SLC30A3: variants seen among roughly 807,000 people sequenced by gnomAD.
The protein encoded by SLC30A3 is probable proton-coupled zinc antiporter SLC30A3.
A neutral mutation model predicts 35.6 loss-of-function variants in SLC30A3; 20 were observed. That is an observed-to-expected ratio of 0.56 (90% CI 0.39 to 0.82). SLC30A3 has a LOEUF of 0.82. Ranked by LOEUF, SLC30A3 falls within the 40% of genes least tolerant of loss-of-function variation. SLC30A3 has a pLI of 0.00. For synonymous variants in SLC30A3, 217 were observed against 224.7 expected, an observed-to-expected ratio of 0.97 and a Z score of 0.31; for missense variants, 401 against 530.6, an observed-to-expected ratio of 0.76 and a Z score of 2.40.
rs1676992267 is a variant in SLC30A3 at position 27,258,351 on chromosome 2, T to C, written c.278-44A>G. 2 of 1,499,352 alleles carry C rather than the reference T, an allele frequency of 1.3e-6. No individual in the cohort carries two copies. The highest frequency in any genetic ancestry group is 1.4e-5 in the African/African-American group (1 of 71,366). The allele number at this position is 1,499,352 out of a possible 1,614,324, so 92.9% of individuals were successfully genotyped here. On this transcript the variant is annotated intron_variant, in intron 2 of 7. Transcript: ENST00000233535. The surrounding 1 kb of genome is among the most constrained non-coding windows in gnomAD (Gnocchi z 4.0). ...GGAGTCTGCTTCCATTTAGAAAATATCATGTAGTGTGTATAGGCATGGAAA... is the reference window on the plus strand; with the variant it reads ...GGAGTCTGCTTCCATTTAGAAAATACCATGTAGTGTGTATAGGCATGGAAA...
In SLC30A3 at chr2:27,255,321, G is replaced by A. The variant is rs568824006; in HGVS notation, c.1158C>T (p.Pro386=). The change falls in exon 8 of 8, where the codon CCC becomes CCT. Residue 386 remains proline (P), a synonymous_variant. Transcript: ENST00000233535. This position sits in a 1 kb window ranked among gnomAD's most constrained non-coding sequence, Gnocchi z 5.2. ...MAQCLRCQEP[P]QA is the part of the protein sequence containing the mutation. ...AGGGCAGGGCCATGGCTCAGGCTTG[G>A]GGGGGTTCCTGGCAGCGCAGGCACT... 4 of 1,614,084 alleles carry A rather than the reference G, an allele frequency of 2.5e-6. No homozygotes were observed. In the Admixed American group the frequency reaches 5.0e-5, roughly 20 times the overall value.
Position 27,258,601 on chromosome 2 carries a change from C to T in SLC30A3, c.277+152G>A, listed in dbSNP as rs920158195. 1.2e-4 allele frequency: 102 copies of T among 848,128 alleles called. No individual in the cohort carries two copies. Among genetic ancestry groups the T allele is most frequent in the Non-Finnish European group, 1.7e-4 (92 of 541,400 alleles). 52.5% of individuals were successfully genotyped at this position (848,128 alleles called of 1,614,324 possible). On this transcript the variant is annotated intron_variant, in intron 2 of 7. Coordinates refer to ENST00000233535, the MANE Select transcript of SLC30A3 (RefSeq NM_003459.5). This position sits in a 1 kb window ranked among gnomAD's most constrained non-coding sequence, Gnocchi z 4.0. ...TTCCCTTTGTTGCTGTCCCTTATCC[C>T]TCCTACTTCCTGAGTCCTGGGCACC...
intron 1 of SLC30A3, among the ~76,000 whole-genome samples, chr2:27,274,859 T>C (rs1264647687): frequency 6.6e-6 from 1 of 152,214 alleles, no homozygotes; most frequent in Non-Finnish European, 1.5e-5. Context: ...TTATGGGACA[T>C]GCTCATGATG....
At chr2:27,263,162 C>T, upstream of SLC30A3, 1 of 1,268,184 alleles carries the variant, frequency 7.9e-7, no homozygotes, top group Non-Finnish European at 1.0e-6. Flanking sequence ...CCCTTAAGCC[C>T]CGCCCCCACT....
At chr2:27,273,629 T>C (rs1677833523) in intron 1 of SLC30A3, among the ~76,000 whole-genome samples, 1 of 151,984 alleles carries the variant, frequency 6.6e-6, no homozygotes, top group South Asian at 2.1e-4. Context: ...CCAGAGACTA[T>C]GGACCAGGTG....
In SLC30A3 at chr2:27,262,770, G is replaced by A. The variant is rs752580244; in HGVS notation, c.95+42C>T. On this transcript the variant is annotated intron_variant, in intron 1 of 7. Transcript: ENST00000233535. The surrounding 1 kb of genome is among the most constrained non-coding windows in gnomAD (Gnocchi z 7.5). ...CAACGAAATGGACGGAGGGTAGTAG[G>A]GTGGCGCCCCCGGGCCGAGGGCCAG... The A allele has an allele frequency of 6.8e-7, 1 of 1,478,468 alleles. No individual in the cohort carries two copies. The highest frequency in any genetic ancestry group is 2.9e-5 in the East Asian group (1 of 34,296). The allele number at this position is 1,478,468 out of a possible 1,614,324, so 91.6% of individuals were successfully genotyped here.
In SLC30A3 at chr2:27,254,742, C is replaced by G. The variant is rs1334012707; in HGVS notation, c.*570G>C. 1 of 211,618 alleles carries G rather than the reference C, an allele frequency of 4.7e-6. No homozygotes were observed. Among genetic ancestry groups the G allele is most frequent in the East Asian group, 1.5e-4 (1 of 6,776 alleles). The allele number at this position is 211,618 out of a possible 1,614,324, so 13.1% of individuals were successfully genotyped here. ...ACAGCCACATAGGCACAGAGACACA[C>G]AGGCCACAGCACCAAGAACACACAC... On this transcript the variant is annotated 3_prime_UTR_variant, in exon 8 of 8. Coordinates refer to ENST00000233535, the MANE Select transcript of SLC30A3 (RefSeq NM_003459.5).
rs1053777869 is a variant in SLC30A3, at chr2:27,255,300, C to A, written c.*12G>T. 2 of 1,613,566 alleles carry A rather than the reference C, an allele frequency of 1.2e-6. No homozygotes were observed. Among genetic ancestry groups the A allele is most frequent in the South Asian group, 1.1e-5 (1 of 91,020 alleles). On this transcript the variant is annotated 3_prime_UTR_variant, in exon 8 of 8. Transcript: ENST00000233535. This position sits in a 1 kb window ranked among gnomAD's most constrained non-coding sequence, Gnocchi z 5.2. ...CCTCGGCCTGGCAGTGGGGTGAGGG[C>A]AGGGCCATGGCTCAGGCTTGGGGGG... is the stretch of plus-strand genomic sequence containing the variant.
chr2:27,267,796 G>A (rs566259386), upstream of SLC30A3, among the ~76,000 whole-genome samples: 18 of 152,006 alleles, frequency 1.2e-4, no homozygotes, highest in East Asian at 2.3e-3. Context: ...TAAGCCAGGC[G>A]TGGTGACATG....
At chr2:27,267,814 A>G (rs1339282652), upstream of SLC30A3, among the ~76,000 whole-genome samples, 1 of 152,024 alleles carries the variant, frequency 6.6e-6, no homozygotes, top group Admixed American at 6.6e-5. Flanking sequence ...ATGTGCCTGT[A>G]ATCCCAGCTA....
intron 1 of SLC30A3, among the ~76,000 whole-genome samples, chr2:27,274,579 GTA>G (rs1478491193): frequency 2.6e-5 from 4 of 151,962 alleles, no homozygotes; most frequent in Admixed American, 2.6e-4. Context: ...GGGAAGCCAG[GTA>G]GAGGCATGCT....
Position 27,255,050 on chromosome 2 carries a change from C to T in SLC30A3, c.*262G>A, listed in dbSNP as rs1204276857. The T allele has an allele frequency of 2.0e-5, 29 of 1,416,740 alleles. No individual in the cohort carries two copies. Among genetic ancestry groups the T allele is most frequent in the Non-Finnish European group, 2.5e-5 (27 of 1,076,068 alleles). The allele number at this position is 1,416,740 out of a possible 1,614,324, so 87.8% of individuals were successfully genotyped here. On this transcript the variant is annotated 3_prime_UTR_variant, in exon 8 of 8. Transcript: ENST00000233535. The surrounding 1 kb of genome is among the most constrained non-coding windows in gnomAD (Gnocchi z 5.2). Reference sequence around the variant, plus strand: ...TGGCACCACAGGCCTTCAACACACCCTGCCACACTGAGGCCTGGGAGTCCC... The same window carrying T: ...TGGCACCACAGGCCTTCAACACACCTTGCCACACTGAGGCCTGGGAGTCCC...
chr2:27,257,863 G>T lies in SLC30A3; in HGVS notation c.578+42C>A. 1.9e-6 allele frequency: 3 copies of T among 1,578,988 alleles called. No individual in the cohort carries two copies. The highest frequency in any genetic ancestry group is 2.6e-6 in the Non-Finnish European group (3 of 1,158,866). On this transcript the variant is annotated intron_variant, in intron 4 of 7. Transcript: ENST00000233535. The surrounding 1 kb of genome is among the most constrained non-coding windows in gnomAD (Gnocchi z 4.7). Reference sequence around the variant, plus strand: ...CTCCCATCCTGGAGGAAGACCCCTCGCCCTGGGCCCCACAAGGTGCCTGCT... The same window carrying T: ...CTCCCATCCTGGAGGAAGACCCCTCTCCCTGGGCCCCACAAGGTGCCTGCT...
At chr2:27,274,674 AAAAAAAGAAAAG>A (rs1398569786) in intron 1 of SLC30A3, among the ~76,000 whole-genome samples, 1 of 150,634 alleles carries the variant, frequency 6.6e-6, no homozygotes, top group South Asian at 2.1e-4. Flanking sequence ...AGAGCGTAAA[AAAAAAAGAAAAG>A]AAAAAAGAAA....
chr2:27,264,119 C>T (rs1558564968), upstream of SLC30A3: 1 of 1,219,884 alleles, frequency 8.2e-7, no homozygotes, highest in Middle Eastern at 2.2e-4. This position sits in a 1 kb window ranked among gnomAD's most constrained non-coding sequence, Gnocchi z 6.1. Flanking sequence ...GGATTGTGCA[C>T]TCGAAGCTGT....
intron 7 of SLC30A3, 110 bp downstream of exon 7, chr2:27,256,276 C>T (rs1676845653): frequency 1.6e-6 from 2 of 1,278,512 alleles, no homozygotes; most frequent in Non-Finnish European, 2.2e-6. Context: ...CACAGAGAAA[C>T]AGAGACAGAT....
At position 27,262,785 on chromosome 2, in the gene SLC30A3, C is replaced by T; in HGVS notation, c.95+27G>A. The stretch of plus-strand genomic sequence containing the variant: ...AGGGTAGTAGGGTGGCGCCCCCGGG[C>T]CGAGGGCCAGCCCAGGTCTGTCCTA... On this transcript the variant is annotated intron_variant, in intron 1 of 7. Coordinates refer to ENST00000233535, the MANE Select transcript of SLC30A3 (RefSeq NM_003459.5). This position sits in a 1 kb window ranked among gnomAD's most constrained non-coding sequence, Gnocchi z 7.5. 6.6e-7 allele frequency: 1 copy of T among 1,517,854 alleles called. No homozygotes were observed. Among genetic ancestry groups the T allele is most frequent in the Non-Finnish European group, 8.8e-7 (1 of 1,139,942 alleles). The allele number at this position is 1,517,854 out of a possible 1,614,324, so 94.0% of individuals were successfully genotyped here.
At chr2:27,270,971 G>T (rs1273788780) in intron 1 of SLC30A3, among the ~76,000 whole-genome samples, 1 of 152,114 alleles carries the variant, frequency 6.6e-6, no homozygotes, top group African/African-American at 2.4e-5. Context: ...TTTAAAGTAG[G>T]AAGGAACAGT....
Position 27,257,843 on chromosome 2 carries a change from A to C in SLC30A3, c.578+62T>G. ...TGGGGAGGAGAGAGCCAGCTCTCCC[A>C]TCCTGGAGGAAGACCCCTCGCCCTG... On this transcript the variant is annotated intron_variant, in intron 4 of 7. Transcript: ENST00000233535. The surrounding 1 kb of genome is among the most constrained non-coding windows in gnomAD (Gnocchi z 4.7). 6.6e-7 allele frequency: 1 copy of C among 1,515,816 alleles called. No homozygotes were observed. Among genetic ancestry groups the C allele is most frequent in the Non-Finnish European group, 9.0e-7 (1 of 1,112,216 alleles). The allele number at this position is 1,515,816 out of a possible 1,614,324, so 93.9% of individuals were successfully genotyped here.
Sources: allele counts gnomAD v4.1 joint callset (sites outside exome capture counted in the v4.1 genomes callset), GRCh38; gene constraint gnomAD v4.1.1; non-coding constraint Gnocchi (gnomAD v3.1); transcripts MANE v1.5; gene names NCBI Gene and HGNC (gene_info 2026-07-23, HGNC 2026-07-21).